PRDM16: variants seen among roughly 807,000 people sequenced by gnomAD.
The protein encoded by PRDM16 is histone-lysine N-methyltransferase PRDM16.
A neutral mutation model predicts 110.6 loss-of-function variants in PRDM16; 23 were observed. The observed-to-expected ratio is 0.21, with a 90% CI of 0.15 to 0.29. The LOEUF is 0.29. Among genes scored for constraint, PRDM16 ranks in the 10% least tolerant of loss-of-function variants. PRDM16 has a pLI of 1.00. For synonymous variants in PRDM16, 799 were observed against 781.8 expected (o/e 1.02, Z -0.37); for missense variants, 1,615 against 1,794.3 (o/e 0.90, Z 1.81).
At chr1:3,173,328 G>A (rs747841248) in intron 1 of PRDM16, among the ~76,000 whole-genome samples, 2 of 152,258 alleles carry the variant, frequency 1.3e-5, no homozygotes, top group Non-Finnish European at 2.9e-5. Flanking sequence ...GTGGCATCGC[G>A]AGTCATTCAG....
Position 3,190,601 on chromosome 1 carries a change from G to A in PRDM16, c.387+4127G>A, listed in dbSNP as rs975833239. 8.5e-5 allele frequency among the ~76,000 whole-genome samples: 13 copies of A among 152,184 alleles called. No individual in the cohort carries two copies. Among genetic ancestry groups the A allele is most frequent in the African/African-American group, 1.2e-4 (5 of 41,536 alleles). On this transcript the variant is annotated intron_variant, in intron 2 of 16. Coordinates refer to ENST00000270722, the MANE Select transcript of PRDM16 (RefSeq NM_022114.4). The surrounding 1 kb of genome is among the most constrained non-coding windows in gnomAD (Gnocchi z 5.0). ...GTGTGCCCCAGGGGTGTGTGGAAACGGCCCCCTGGGCTTCATCTCAGGGAG... is the reference window on the plus strand; with the variant it reads ...GTGTGCCCCAGGGGTGTGTGGAAACAGCCCCCTGGGCTTCATCTCAGGGAG...
intron 1 of PRDM16, among the ~76,000 whole-genome samples, chr1:3,134,473 C>T (rs1643396872): frequency 6.6e-6 from 1 of 152,214 alleles, no homozygotes; most frequent in Admixed American, 6.5e-5. Context: ...ATCACCCCCT[C>T]CTGCCCTCCC....
intron 1 of PRDM16, among the ~76,000 whole-genome samples, chr1:3,183,310 ACT>A (rs1222169263): frequency 6.6e-6 from 1 of 151,994 alleles, no homozygotes; most frequent in Non-Finnish European, 1.5e-5. Context: ...AGAAGGGCTG[ACT>A]CTGATCTCCC....
At chr1:3,123,272 A>C (rs932835280) in intron 1 of PRDM16, among the ~76,000 whole-genome samples, 5 of 152,228 alleles carry the variant, frequency 3.3e-5, no homozygotes, top group Non-Finnish European at 5.9e-5. Flanking sequence ...CATGGCAGAG[A>C]GGCCCTCAGG....
intron 4 of PRDM16, among the ~76,000 whole-genome samples, chr1:3,392,388 AG>A (rs1242673790): frequency 6.6e-6 from 1 of 152,164 alleles, no homozygotes; most frequent in African/African-American, 2.4e-5. Context: ...AAAGCCCAAA[AG>A]TTCGCTTGAT....
rs777706969 is a variant in PRDM16 at position 3,426,096 on chromosome 1, C to T, written c.3155C>T (p.Ala1052Val). ...CTCACGAACCACCTGGGGACCAGCG[C>T]GTCCTCTCCCACCTCAGAGTCGGAC... is the stretch of plus-strand genomic sequence containing the variant. ...GVLTNHLGTS[A>V]SSPTSESDNH... Residue 1052 changes from alanine to valine, a missense_variant, in exon 14 of 17, where the codon GCG becomes GTG. By Grantham distance (64) the Ala-to-Val change is moderately conservative (BLOSUM62 0). Coordinates refer to ENST00000270722, the MANE Select transcript of PRDM16 (RefSeq NM_022114.4). 6.8e-6 allele frequency: 11 copies of T among 1,613,922 alleles called. No individual in the cohort carries two copies. In the South Asian group the frequency reaches 7.7e-5, roughly 11 times the overall value.
intron 16 of PRDM16, 140 bp from the exon 17 acceptor site, chr1:3,433,537 G>T: frequency 4.1e-6 from 1 of 244,708 alleles, no homozygotes; most frequent in Non-Finnish European, 7.6e-6. Flanking sequence ...TGTCTGGGAT[G>T]GCCCGCCCTG....
intron 2 of PRDM16, among the ~76,000 whole-genome samples, chr1:3,191,178 GA>G (rs907469549): frequency 6.6e-6 from 1 of 152,260 alleles, no homozygotes; most frequent in African/African-American, 2.4e-5. Flanking sequence ...GAGGCCAGGT[GA>G]AAAATGTTAA....
chr1:3,262,745 G>A (rs1640190057), intron 3 of PRDM16, among the ~76,000 whole-genome samples: 1 of 152,218 alleles, frequency 6.6e-6, no homozygotes. Context: ...ACAACACACA[G>A]AAAACATGAG....
intron 3 of PRDM16, among the ~76,000 whole-genome samples, chr1:3,295,449 AC>A (rs1447734596): frequency 6.6e-6 from 1 of 151,736 alleles, no homozygotes; most frequent in Non-Finnish European, 1.5e-5. Flanking sequence ...TCCCTCGAGG[AC>A]CCCCTACAGC....
chr1:3,403,039 C>T, intron 6 of PRDM16, 41 bp downstream of exon 6: 8 of 816,748 alleles, frequency 9.8e-6, no homozygotes, highest in African/African-American at 1.7e-5. Context: ...CTTCCCGTAC[C>T]CTCCTCTGAG....
chr1:3,225,529 C>CCT (rs1218386347), intron 2 of PRDM16, among the ~76,000 whole-genome samples: 9 of 115,910 alleles, frequency 7.8e-5, no homozygotes, highest in African/African-American at 3.3e-4. Context: ...GTGCAGCTTG[C>CCT]CTGTGTGTGT....
chr1:3,100,255 A>G (rs773904199), intron 1 of PRDM16, among the ~76,000 whole-genome samples: 1 of 152,186 alleles, frequency 6.6e-6, no homozygotes, highest in Non-Finnish European at 1.5e-5. Flanking sequence ...GGAAGGAGGT[A>G]GATGGATGCC....
chr1:3,202,582 G>T (rs542915411), intron 2 of PRDM16, among the ~76,000 whole-genome samples: 25 of 152,348 alleles, frequency 1.6e-4, no homozygotes, highest in African/African-American at 5.8e-4. Flanking sequence ...AGGGTCTGCA[G>T]GTGAAGGATG....
At chr1:3,183,344 C>G (rs1644232225) in intron 1 of PRDM16, among the ~76,000 whole-genome samples, 1 of 152,334 alleles carries the variant, frequency 6.6e-6, no homozygotes, top group African/African-American at 2.4e-5. Context: ...TTCCGGGGAC[C>G]CCAGAGAGCG....
intron 14 of PRDM16, among the ~76,000 whole-genome samples, chr1:3,429,219 T>C (rs1284147423): frequency 6.6e-6 from 1 of 152,258 alleles, no homozygotes. Flanking sequence ...GGCTGTTGCT[T>C]CAGGCCCCCA....
At position 3,371,763 on chromosome 1, in the gene PRDM16, G is replaced by A. The variant is rs1339799355; in HGVS notation, c.439-13389G>A. Among the ~76,000 whole-genome samples the A allele has an allele frequency of 2.6e-5, 4 of 152,258 alleles. No individual in the cohort carries two copies. The East Asian group carries it at 5.8e-4, about 22-fold the overall frequency. On this transcript the variant is annotated intron_variant, in intron 3 of 16. Coordinates refer to ENST00000270722, the MANE Select transcript of PRDM16 (RefSeq NM_022114.4). ...CGCTGGTCCTGACAGTGTGAAAGGA[G>A]TCAGGTGGACAGCCAGCACCCACCG...
chr1:3,376,611 C>T (rs1478771754), intron 3 of PRDM16, among the ~76,000 whole-genome samples: 1 of 152,222 alleles, frequency 6.6e-6, no homozygotes, highest in Non-Finnish European at 1.5e-5. Context: ...CCCACCCTTG[C>T]TCTCTGTCTC....
At chr1:3,286,099 G>T (rs1277335879) in intron 3 of PRDM16, among the ~76,000 whole-genome samples, 1 of 152,182 alleles carries the variant, frequency 6.6e-6, no homozygotes, top group Non-Finnish European at 1.5e-5. Flanking sequence ...AAGGAATGGA[G>T]TCAGCATTCC....
Sources: gnomAD v4.1 joint callset for allele counts (sites outside exome capture counted in the v4.1 genomes callset) on GRCh38, gnomAD v4.1.1 for gene constraint, Gnocchi (gnomAD v3.1) non-coding constraint, MANE v1.5 for transcripts, NCBI Gene and HGNC (gene_info 2026-07-23, HGNC 2026-07-21) for gene names.